The following DTD1 variants were observed in gnomAD, a reference collection of about 807,000 sequenced individuals.
The protein encoded by DTD1 is D-aminoacyl-tRNA deacylase 1, also known as D-tyrosyl-tRNA deacylase 1 homolog.
A neutral mutation model predicts 25.6 loss-of-function variants in DTD1; 13 were observed. The observed-to-expected ratio is 0.51, with a 90% confidence interval of 0.33 to 0.81. The LOEUF is 0.81. DTD1 is among the 30% of genes least tolerant of loss of function. The pLI is 0.02. For missense variants in DTD1, 193 were observed against 266.4 expected, an observed-to-expected ratio of 0.72 and a Z score of 1.92; for synonymous variants, 110 against 103.6, an observed-to-expected ratio of 1.06 and a Z score of -0.37.
At chr20:18,737,123 C>G (rs1195860596) in intron 4 of DTD1, among the ~76,000 whole-genome samples, 3 of 152,246 alleles carry the variant, frequency 2.0e-5, no homozygotes, top group Admixed American at 2.0e-4. Flanking sequence ...TTCGGCCCTT[C>G]CCTCCTGTCA....
intron 3 of DTD1, among the ~76,000 whole-genome samples, chr20:18,615,305 TG>T (rs1480075528): frequency 4.6e-5 from 7 of 152,242 alleles, no homozygotes; most frequent in African/African-American, 1.7e-4. Flanking sequence ...ATTTCATGGC[TG>T]TTTCTCGAAT....
intron 4 of DTD1, among the ~76,000 whole-genome samples, chr20:18,703,365 T>C (rs972311125): frequency 6.6e-6 from 1 of 152,156 alleles, no homozygotes; most frequent in African/African-American, 2.4e-5. Flanking sequence ...ATGTGTCCCA[T>C]TTTCATCCTT....
intron 3 of DTD1, among the ~76,000 whole-genome samples, chr20:18,599,798 A>G (rs1414307903): frequency 6.6e-6 from 1 of 152,152 alleles, no homozygotes; most frequent in East Asian, 1.9e-4. Flanking sequence ...ATGCTTATTT[A>G]CTATCTGTAT....
chr20:18,606,643 T>C (rs1177533546), intron 3 of DTD1, among the ~76,000 whole-genome samples: 3 of 121,808 alleles, frequency 2.5e-5, no homozygotes, highest in South Asian at 2.6e-4. Flanking sequence ...ATGGATGAAA[T>C]TGGAAATCAT....
intron 3 of DTD1, among the ~76,000 whole-genome samples, chr20:18,625,751 C>T (rs1023290117): frequency 6.6e-6 from 1 of 152,232 alleles, no homozygotes; most frequent in Non-Finnish European, 1.5e-5. Context: ...CAGCCTCCTG[C>T]CTGCTCAGGT....
In DTD1 at chr20:18,766,273, C is replaced by T. The variant is rs2061378548; in HGVS notation, c.*2933C>T. 1 of 152,204 alleles carries T rather than the reference C, an allele frequency of 6.6e-6. No individual in the cohort carries two copies. Among genetic ancestry groups the T allele is most frequent in the African/African-American group, 2.4e-5 (1 of 41,452 alleles). 9.4% of individuals were successfully genotyped at this position (152,204 alleles called of 1,614,324 possible). On this transcript the variant is annotated 3_prime_UTR_variant, in exon 6 of 6. Transcript: ENST00000377452. Reference sequence around the variant, plus strand: ...TTGAGTAACTCCAAAGCCAGAGAGGCAATCTTTTCTATCTCTGGTTTGTCA... The same window carrying T: ...TTGAGTAACTCCAAAGCCAGAGAGGTAATCTTTTCTATCTCTGGTTTGTCA...
chr20:18,716,396 C>T (rs2061180739), intron 4 of DTD1, among the ~76,000 whole-genome samples: 1 of 152,194 alleles, frequency 6.6e-6, no homozygotes, highest in Non-Finnish European at 1.5e-5. Context: ...CATGTCACAC[C>T]GGCCCCTCCT....
intron 4 of DTD1, among the ~76,000 whole-genome samples, chr20:18,686,646 C>CTCTGTGTG (rs2061017674): frequency 6.7e-6 from 1 of 148,938 alleles, no homozygotes; most frequent in Admixed American, 6.7e-5. Context: ...TATTTATTAG[C>CTCTGTGTG]TGTGTGTGTG....
chr20:18,685,552 G>T (rs1441918303), intron 4 of DTD1, among the ~76,000 whole-genome samples: 1 of 152,168 alleles, frequency 6.6e-6, no homozygotes. Flanking sequence ...CCTCGCTCCA[G>T]CTTCAGTGGC....
chr20:18,645,104 C>T (rs879751894), intron 4 of DTD1, among the ~76,000 whole-genome samples: 6 of 152,132 alleles, frequency 3.9e-5, no homozygotes, highest in Non-Finnish European at 8.8e-5. Context: ...GAGCCATGAT[C>T]GTGTGTCTGG....
intron 4 of DTD1, among the ~76,000 whole-genome samples, chr20:18,661,774 A>G (rs2060912461): frequency 6.6e-6 from 1 of 152,248 alleles, no homozygotes; most frequent in African/African-American, 2.4e-5. Context: ...CAAATCAATA[A>G]GGAAAAAAAG....
At chr20:18,702,029 A>T (rs1006318117) in intron 4 of DTD1, among the ~76,000 whole-genome samples, 1 of 152,192 alleles carries the variant, frequency 6.6e-6, no homozygotes, top group Non-Finnish European at 1.5e-5. Context: ...TGACAGGAGA[A>T]ATTTGTCTAC....
chr20:18,649,709 T>C (rs887397487), intron 4 of DTD1, among the ~76,000 whole-genome samples: 1 of 152,118 alleles, frequency 6.6e-6, no homozygotes, highest in Admixed American at 6.5e-5. Context: ...TACTCAGTTG[T>C]AGAAGTAACA....
At chr20:18,728,735 C>T (rs1368174157) in intron 4 of DTD1, among the ~76,000 whole-genome samples, 1 of 152,080 alleles carries the variant, frequency 6.6e-6, no homozygotes, top group Non-Finnish European at 1.5e-5. Context: ...AGTGCTTTCT[C>T]AGAGCACAAA....
chr20:18,704,087 G>A (rs1010904237), intron 4 of DTD1, among the ~76,000 whole-genome samples: 1 of 150,308 alleles, frequency 6.7e-6, no homozygotes, highest in Non-Finnish European at 1.5e-5. Flanking sequence ...TGCAAGCTCC[G>A]CCTCTGGGGT....
At chr20:18,640,790 C>T (rs1041004352) in intron 4 of DTD1, among the ~76,000 whole-genome samples, 24 of 152,016 alleles carry the variant, frequency 1.6e-4, no homozygotes, top group Non-Finnish European at 7.4e-5. Context: ...GTCACCGTGC[C>T]TGACTAATTT....
At chr20:18,734,134 C>G (rs1297713992) in intron 4 of DTD1, among the ~76,000 whole-genome samples, 1 of 152,168 alleles carries the variant, frequency 6.6e-6, no homozygotes, top group East Asian at 1.9e-4. Context: ...CTCTATAGAT[C>G]TTGTAAAATG....
At chr20:18,697,134 T>A (rs954923031) in intron 4 of DTD1, among the ~76,000 whole-genome samples, 9 of 150,714 alleles carry the variant, frequency 6.0e-5, no homozygotes, top group African/African-American at 2.2e-4. Flanking sequence ...CGGGAGGCTG[T>A]GGCAGGAGAA....
intron 5 of DTD1, among the ~76,000 whole-genome samples, chr20:18,762,654 T>A (rs964322292): frequency 2.0e-5 from 3 of 152,344 alleles, no homozygotes; most frequent in Non-Finnish European, 2.9e-5. Flanking sequence ...TGTGATATAT[T>A]CCTTTTATCT....
Sources: allele counts gnomAD v4.1 joint callset (sites outside exome capture counted in the v4.1 genomes callset), GRCh38; gene constraint gnomAD v4.1.1; transcripts MANE v1.5; gene names NCBI Gene and HGNC (gene_info 2026-07-23, HGNC 2026-07-21).